Variants in STXBP5L observed in about 807,000 individuals in gnomAD.
The protein encoded by STXBP5L is syntaxin binding protein 5L, also known as syntaxin-binding protein 5-like.
A neutral mutation model predicts 144.5 loss-of-function variants in STXBP5L; 65 were observed. The ratio of observed to expected loss-of-function variants is 0.45; its 90% CI spans 0.37 to 0.55. The LOEUF is 0.55. STXBP5L is among the 20% of genes least tolerant of loss of function. The pLI, the probability that STXBP5L is intolerant of heterozygous loss-of-function variation, is 0.00. For missense variants in STXBP5L, 1,298 were observed against 1,405.5 expected, an observed-to-expected ratio of 0.92 and a Z score of 1.22; for synonymous variants, 505 against 469.6, an observed-to-expected ratio of 1.08 and a Z score of -0.97.
rs187161598 is a variant in STXBP5L at position 121,179,153 on chromosome 3, A to G, written c.877+21526A>G. 4.5e-4 allele frequency among the ~76,000 whole-genome samples: 68 copies of G among 152,134 alleles called. 1 individual carries two copies. Among genetic ancestry groups the G allele is most frequent in the African/African-American group, 1.5e-3 (62 of 41,516 alleles). On this transcript the variant is annotated intron_variant, in intron 9 of 26. Transcript: ENST00000471454. The stretch of plus-strand genomic sequence containing the variant: ...AAATTAAAAACTGGAGAAAAAGAAA[A>G]TAAATAAATAAATTGTACACCATGA...
intron 3 of STXBP5L, among the ~76,000 whole-genome samples, chr3:120,970,312 A>G (rs1559928371): frequency 6.6e-6 from 1 of 152,042 alleles, no homozygotes; most frequent in Admixed American, 6.6e-5. Flanking sequence ...TTCTTATTAT[A>G]CACTAGTGCC....
chr3:121,301,853 G>A (rs1484036568), intron 19 of STXBP5L, among the ~76,000 whole-genome samples: 1 of 152,138 alleles, frequency 6.6e-6, no homozygotes, highest in Non-Finnish European at 1.5e-5. Context: ...TACAATTATT[G>A]ATTTGCGTAT....
intron 22 of STXBP5L, among the ~76,000 whole-genome samples, chr3:121,383,440 C>T (rs773967384): frequency 6.6e-6 from 1 of 151,926 alleles, no homozygotes; most frequent in Non-Finnish European, 1.5e-5. Flanking sequence ...ATGTGCCACA[C>T]TTATACAAGA....
intron 5 of STXBP5L, among the ~76,000 whole-genome samples, chr3:121,100,204 TAAC>T (rs1335390406): frequency 1.3e-5 from 2 of 152,050 alleles, no homozygotes; most frequent in Admixed American, 6.6e-5. Flanking sequence ...GCAGAAAACT[TAAC>T]AATGAAATTC....
chr3:121,314,602 AGAG>A, intron 19 of STXBP5L, among the ~76,000 whole-genome samples: 1 of 140,208 alleles, frequency 7.1e-6, no homozygotes, highest in African/African-American at 2.7e-5. Context: ...AGGGAGAGGG[AGAG>A]GGAGAGGGAG....
chr3:121,420,746 A>G lies in STXBP5L; in HGVS notation c.*1649A>G, dbSNP rs2047337427. ...CATTTGTGTTTCTTAAGACTTCACA[A>G]TTTTCCTGGATTTCAGGTTATTTTA... On this transcript the variant is annotated 3_prime_UTR_variant, in exon 27 of 27. Transcript: ENST00000471454. The G allele has an allele frequency of 6.6e-6, 1 of 151,994 alleles. No homozygotes were observed. Among genetic ancestry groups the G allele is most frequent in the Admixed American group, 6.6e-5 (1 of 15,254 alleles). The allele number at this position is 151,994 out of a possible 1,614,324, so 9.4% of individuals were successfully genotyped here.
intron 9 of STXBP5L, among the ~76,000 whole-genome samples, chr3:121,192,758 T>C (rs2047750551): frequency 6.6e-6 from 1 of 152,186 alleles, no homozygotes; most frequent in Non-Finnish European, 1.5e-5. Context: ...CTGGGAAAAC[T>C]GGCTAGCCAT....
At chr3:121,045,049 A>T (rs1172974969) in intron 4 of STXBP5L, among the ~76,000 whole-genome samples, 2 of 152,124 alleles carry the variant, frequency 1.3e-5, no homozygotes, top group African/African-American at 2.4e-5. Flanking sequence ...ATTTTGTAAG[A>T]CTGCATTGAA....
At chr3:121,348,432 T>A (rs1254545815) in intron 20 of STXBP5L, among the ~76,000 whole-genome samples, 1 of 152,054 alleles carries the variant, frequency 6.6e-6, no homozygotes, top group Admixed American at 6.5e-5. Flanking sequence ...TTTTGTTGTG[T>A]CTCTGTCAGG....
At chr3:121,219,419 T>C (rs1464601578) in intron 10 of STXBP5L, among the ~76,000 whole-genome samples, 1 of 152,070 alleles carries the variant, frequency 6.6e-6, no homozygotes. Context: ...ACTGCATAGG[T>C]AGCACATGTA....
At chr3:120,969,804 A>G (rs75832447) in intron 3 of STXBP5L, among the ~76,000 whole-genome samples, 14,993 of 151,810 alleles carry the variant, frequency 0.099, 1,162 homozygotes, top group Admixed American at 0.2. Flanking sequence ...ACTTACCTTC[A>G]AGATTATTTT....
chr3:121,054,490 C>T (rs1326335717), intron 5 of STXBP5L, among the ~76,000 whole-genome samples: 2 of 149,394 alleles, frequency 1.3e-5, no homozygotes, highest in Non-Finnish European at 3.0e-5. Flanking sequence ...ATCACAAGGA[C>T]AAGAAAGCAA....
intron 3 of STXBP5L, among the ~76,000 whole-genome samples, chr3:121,025,822 A>G (rs908451386): frequency 2.7e-5 from 4 of 149,454 alleles, no homozygotes; most frequent in Non-Finnish European, 5.9e-5. Flanking sequence ...ATCCCTCTAG[A>G]GCATTACTTA....
chr3:120,994,820 T>G (rs1284337286), intron 3 of STXBP5L, among the ~76,000 whole-genome samples: 1 of 152,124 alleles, frequency 6.6e-6, no homozygotes, highest in Non-Finnish European at 1.5e-5. Flanking sequence ...AATTTACTCT[T>G]CAATTTTTTG....
intron 3 of STXBP5L, among the ~76,000 whole-genome samples, chr3:120,974,658 G>C (rs1290724734): frequency 2.0e-5 from 3 of 152,188 alleles, no homozygotes; most frequent in Non-Finnish European, 2.9e-5. Flanking sequence ...TTTTCTTCTA[G>C]GGTTTTTATG....
chr3:120,979,816 TTGTC>T (rs1268446152), intron 3 of STXBP5L, among the ~76,000 whole-genome samples: 2 of 152,206 alleles, frequency 1.3e-5, no homozygotes, highest in Non-Finnish European at 2.9e-5. Flanking sequence ...TGACTGTAGA[TTGTC>T]AGTTGGAGAT....
intron 20 of STXBP5L, among the ~76,000 whole-genome samples, chr3:121,330,936 G>A (rs2044302399): frequency 6.6e-6 from 1 of 152,186 alleles, no homozygotes; most frequent in African/African-American, 2.4e-5. Context: ...ATCAGAGCTG[G>A]TGCTAATACC....
chr3:121,217,796 A>G (rs975196122), intron 10 of STXBP5L, among the ~76,000 whole-genome samples: 3 of 151,862 alleles, frequency 2.0e-5, no homozygotes, highest in African/African-American at 7.3e-5. Context: ...AAACTTGTAA[A>G]ATGAGAGCAA....
At chr3:121,053,533 A>G (rs1342704996) in intron 5 of STXBP5L, among the ~76,000 whole-genome samples, 1 of 152,232 alleles carries the variant, frequency 6.6e-6, no homozygotes, top group East Asian at 1.9e-4. Context: ...AAAACTGGCT[A>G]GACATGTGTA....
Sources: allele counts gnomAD v4.1 joint callset (sites outside exome capture counted in the v4.1 genomes callset), GRCh38; gene constraint gnomAD v4.1.1; transcripts MANE v1.5; gene names NCBI Gene and HGNC (gene_info 2026-07-23, HGNC 2026-07-21).